Variants in MARK1 observed in about 807,000 individuals in gnomAD.
MARK1 encodes serine/threonine-protein kinase MARK1.
MARK1 carries 40 observed loss-of-function variants against 96.3 expected under a neutral mutation model. That is an observed-to-expected ratio of 0.42 (90% confidence interval 0.32 to 0.54). MARK1 has a LOEUF of 0.54. MARK1 is among the 20% of genes least tolerant of loss of function. The pLI is 0.16. For missense variants in MARK1, 719 were observed against 984.6 expected (o/e 0.73, Z 3.61); for synonymous variants, 317 against 341.2 (o/e 0.93, Z 0.78).
In MARK1 at chr1:220,528,589, T is replaced by G. The variant is rs187436996; in HGVS notation, c.-234T>G. Reference sequence around the variant, plus strand: ...CCGCCTCGCCCGAAGCCCTCCCTCGTTACTGTCCGCATACCCCGGCGGCGC... The same window carrying G: ...CCGCCTCGCCCGAAGCCCTCCCTCGGTACTGTCCGCATACCCCGGCGGCGC... On this transcript the variant is annotated 5_prime_UTR_variant, in exon 1 of 18. Transcript: ENST00000366917. 1.3e-3 allele frequency: 639 copies of G among 475,970 alleles called. 1 individual carries two copies. Among genetic ancestry groups the G allele is most frequent in the African/African-American group, 0.013 (617 of 48,264 alleles). 29.5% of individuals were successfully genotyped at this position (475,970 alleles called of 1,614,324 possible). A position where few individuals can be genotyped will look rare whatever the true frequency, so the allele number is the denominator to read the frequency against.
Position 220,650,661 on chromosome 1 carries a change from A to G in MARK1, c.1512A>G (p.Thr504=). ...GAGGTAGCATGGCAAGAAGGAATACATATGTCTGTGAAAGGACCACAGATC... is the reference window on the plus strand; with the variant it reads ...GAGGTAGCATGGCAAGAAGGAATACGTATGTCTGTGAAAGGACCACAGATC... ...YSGGSMARRN[T]YVCERTTDRY... is the part of the protein sequence containing the mutation. The change falls in exon 14 of 18, where the codon ACA becomes ACG. Residue 504 remains threonine, a synonymous_variant. Coordinates refer to ENST00000366917, the MANE Select transcript of MARK1 (RefSeq NM_018650.5). 3 of 1,613,800 alleles carry G rather than the reference A, an allele frequency of 1.9e-6. No homozygotes were observed. Among genetic ancestry groups the G allele is most frequent in the Non-Finnish European group, 2.5e-6 (3 of 1,179,768 alleles).
intron 9 of MARK1, chr1:220,626,466 G>T: frequency 1.9e-6 from 1 of 539,394 alleles, no homozygotes; most frequent in East Asian, 5.1e-5. Context: ...CAAGTTCAGT[G>T]CTCTTACAGT....
chr1:220,652,830 T>C (rs1668955670), intron 15 of MARK1, among the ~76,000 whole-genome samples: 1 of 152,196 alleles, frequency 6.6e-6, no homozygotes, highest in Non-Finnish European at 1.5e-5. Flanking sequence ...TAAAAAAATA[T>C]TTGCAGTACT....
intron 1 of MARK1, among the ~76,000 whole-genome samples, chr1:220,534,695 A>G (rs1660561315): frequency 6.6e-6 from 1 of 152,000 alleles, no homozygotes; most frequent in South Asian, 2.1e-4. Context: ...TTCTTTCCAG[A>G]CCCTGGCAAC....
At position 220,620,256 on chromosome 1, in the gene MARK1, A is replaced by AT. The variant is rs1274327532; in HGVS notation, c.909+1502dup. On this transcript the variant is annotated intron_variant, in intron 9 of 17. Transcript: ENST00000366917. The stretch of plus-strand genomic sequence containing the variant: ...AATGCTTTAATAGAGAACATGTACT[A>AT]TATAATGCCCACTTTTATATCACTT... Among the ~76,000 whole-genome samples, 29 of 152,316 alleles carry AT rather than the reference A, an allele frequency of 1.9e-4. 1 individual carries two copies. Among genetic ancestry groups the AT allele is most frequent in the African/African-American group, 7.0e-4 (29 of 41,570 alleles).
At chr1:220,555,586 A>C (rs748185790) in intron 1 of MARK1, among the ~76,000 whole-genome samples, 16 of 152,162 alleles carry the variant, frequency 1.1e-4, no homozygotes, top group Non-Finnish European at 1.6e-4. Flanking sequence ...GAAGAAGAAA[A>C]CCAAAAATAA....
chr1:220,538,877 A>G (rs1238454059), intron 1 of MARK1, among the ~76,000 whole-genome samples: 6 of 147,952 alleles, frequency 4.1e-5, no homozygotes, highest in Non-Finnish European at 9.1e-5. Context: ...TTTGTCTGTT[A>G]TTGGTGTATA....
Position 220,653,292 on chromosome 1 carries a change from A to T in MARK1, c.1928A>T (p.His643Leu). Residue 643 changes from histidine (H) to leucine (L), a missense_variant, in exon 16 of 18, where the codon CAT (histidine) becomes CTT (leucine). Physicochemically the swap from His to Leu is moderately conservative, Grantham distance 99 (BLOSUM62 -3). This residue lies in a region of MARK1 where 501 missense variants were observed against 588.3 expected (regional missense o/e 0.85). Transcript: ENST00000366917. ...SPSHETGAFA[H>L]ARRGTSTGII... is the part of the protein sequence containing the mutation. ...TCCCATGAAACGGGTGCATTTGCAC[A>T]TGCCAGAAGGGGAACGTCAACTGGT... 1.2e-6 allele frequency: 2 copies of T among 1,614,278 alleles called. No homozygotes were observed. The highest frequency in any genetic ancestry group is 1.7e-6 in the Non-Finnish European group (2 of 1,180,048).
intron 15 of MARK1, among the ~76,000 whole-genome samples, chr1:220,652,698 G>GCCTAACCACCAATACCTAA (rs1378488116): frequency 6.6e-6 from 1 of 152,194 alleles, no homozygotes; most frequent in Non-Finnish European, 1.5e-5. Flanking sequence ...TATTGGTGGT[G>GCCTAACCACCAATACCTAA]CCATGTGGTA....
intron 13 of MARK1, among the ~76,000 whole-genome samples, chr1:220,646,063 A>G (rs1032672515): frequency 3.3e-5 from 5 of 152,186 alleles, no homozygotes; most frequent in Admixed American, 6.5e-5. Context: ...GGCCAGGGCA[A>G]TCAGGCAAGA....
rs193275239 is a variant in MARK1, at chr1:220,555,488, G to A, written c.52-23866G>A. On this transcript the variant is annotated intron_variant, in intron 1 of 17. Transcript: ENST00000366917. The stretch of plus-strand genomic sequence containing the variant: ...TGGTCTAAGTGGTAAAGGTAAAGGT[G>A]TAGAGAAGTGAATGGATTCGTGACG... Among the ~76,000 whole-genome samples the A allele has an allele frequency of 2.6e-5, 4 of 152,270 alleles. No individual in the cohort carries two copies. The East Asian group carries it at 5.8e-4, about 22-fold the overall frequency.
In MARK1 at chr1:220,663,106, A is replaced by G. The variant is rs1332417424; in HGVS notation, c.*940A>G. 6.6e-6 allele frequency: 1 copy of G among 152,642 alleles called. No individual in the cohort carries two copies. Among genetic ancestry groups the G allele is most frequent in the Non-Finnish European group, 1.5e-5 (1 of 68,044 alleles). 9.5% of individuals were successfully genotyped at this position (152,642 alleles called of 1,614,324 possible). On this transcript the variant is annotated 3_prime_UTR_variant, in exon 18 of 18. Transcript: ENST00000366917. ...TACAGTGTTGATCAATGCATCAGTT[A>G]AGAAATAATGCCACCTCAGGAATTA...
At position 220,662,023 on chromosome 1, in the gene MARK1, C is replaced by T. The variant is rs768698774; in HGVS notation, c.2245C>T (p.Gln749Ter). The T allele has an allele frequency of 6.2e-7, 1 of 1,614,208 alleles. No homozygotes were observed. ...TTTCTGTGTCCATGGAGACGCTAGA[C>T]AGGATAGCCTCGTGCAGTGGGAGAT... ...LLFCVHGDAR[Q>*]DSLVQWEMEV... Residue 749 changes from glutamine to a stop codon, truncating the protein, a stop_gained, in exon 18 of 18, where the codon CAG becomes TAG. Transcript: ENST00000366917. LOFTEE classifies it high-confidence loss of function.
intron 3 of MARK1, among the ~76,000 whole-genome samples, chr1:220,590,208 A>C (rs1382078635): frequency 6.6e-6 from 1 of 152,232 alleles, no homozygotes; most frequent in Non-Finnish European, 1.5e-5. Context: ...GGAGAGGAAG[A>C]GATATCTTAG....
chr1:220,664,167 A>G lies in MARK1; in HGVS notation c.*2001A>G, dbSNP rs1337783668. 1 of 152,120 alleles carries G rather than the reference A, an allele frequency of 6.6e-6. No individual in the cohort carries two copies. Among genetic ancestry groups the G allele is most frequent in the African/African-American group, 2.4e-5 (1 of 41,432 alleles). 9.4% of individuals were successfully genotyped at this position (152,120 alleles called of 1,614,324 possible). A position where few individuals can be genotyped will look rare whatever the true frequency, so the allele number is the denominator to read the frequency against. Reference sequence around the variant, plus strand: ...TGTGTTTTCCACGGTAGAAACTGATATTTTTTTACATTTTCTCACTGTGGC... The same window carrying G: ...TGTGTTTTCCACGGTAGAAACTGATGTTTTTTTACATTTTCTCACTGTGGC... On this transcript the variant is annotated 3_prime_UTR_variant, in exon 18 of 18. Transcript: ENST00000366917.
At chr1:220,537,221 A>G (rs947360885) in intron 1 of MARK1, among the ~76,000 whole-genome samples, 2 of 140,468 alleles carry the variant, frequency 1.4e-5, no homozygotes, top group African/African-American at 5.3e-5. Context: ...TATATCTCCT[A>G]ATGCTATCCC....
intron 1 of MARK1, among the ~76,000 whole-genome samples, chr1:220,557,754 C>A (rs1009937633): frequency 6.6e-6 from 1 of 152,054 alleles, no homozygotes; most frequent in Non-Finnish European, 1.5e-5. Context: ...CAAGAACTGA[C>A]TGTAAAACTG....
At chr1:220,627,102 T>A in intron 9 of MARK1, 9 of 516,708 alleles carry the variant, frequency 1.7e-5, no homozygotes, top group South Asian at 1.4e-4. Flanking sequence ...ACAGCGACTG[T>A]TTGAGAACCT....
At chr1:220,535,480 T>A (rs1351560350) in intron 1 of MARK1, among the ~76,000 whole-genome samples, 2 of 152,160 alleles carry the variant, frequency 1.3e-5, no homozygotes, top group Non-Finnish European at 2.9e-5. Context: ...TTTTTCACTC[T>A]GTTGTTTTCT....
Sources: allele counts gnomAD v4.1 joint callset (sites outside exome capture counted in the v4.1 genomes callset), GRCh38; gene constraint gnomAD v4.1.1; regional missense constraint gnomAD v4.1.1; transcripts MANE v1.5; gene names NCBI Gene and HGNC (gene_info 2026-07-23, HGNC 2026-07-21).